The following AGBL1 variants were observed in gnomAD, a reference collection of about 807,000 sequenced individuals.
AGBL1 encodes the protein cytosolic carboxypeptidase 4.
Under a neutral mutation model 118.9 loss-of-function variants are expected in AGBL1, and 130 were observed. The observed-to-expected ratio is 1.09, with a 90% confidence interval of 0.95 to 1.26. The LOEUF (loss-of-function observed/expected upper bound fraction) is 1.26. AGBL1 is among the 50% of genes most tolerant of loss of function. The pLI is 0.00. For synonymous variants in AGBL1, 555 were observed against 478.9 expected, an observed-to-expected ratio of 1.16 and a Z score of -2.08; for missense variants, 1,584 against 1,298.1, an observed-to-expected ratio of 1.22 and a Z score of -3.38.
chr15:86,346,570 C>T (rs571344030), intron 17 of AGBL1, among the ~76,000 whole-genome samples: 7 of 150,770 alleles, frequency 4.6e-5, no homozygotes, highest in Non-Finnish European at 1.5e-5. Flanking sequence ...AGGATGGTCT[C>T]GATCTCCTGA....
rs59067780 is a variant in AGBL1, at chr15:86,931,566, T to TTGCTGCTGCTGCTGCTGCTGC, written c.3222-56391_3222-56371dup. ...AGCAACAAAATGAATAGTGGTGCTT[T>TTGCTGCTGCTGCTGCTGCTGC]TGCTGCTGCTGCTGCTGCTGCTGCT... On this transcript the variant is annotated intron_variant, in intron 23 of 24. Coordinates refer to the AGBL1 transcript ENST00000441037. 4.4e-3 allele frequency among the ~76,000 whole-genome samples: 662 copies of TTGCTGCTGCTGCTGCTGCTGC among 150,520 alleles called. 5 individuals carry two copies. Among genetic ancestry groups the TTGCTGCTGCTGCTGCTGCTGC allele is most frequent in the East Asian group, 0.015 (76 of 5,058 alleles).
At chr15:86,973,634 C>T (rs1468012655) in intron 23 of AGBL1, among the ~76,000 whole-genome samples, 1 of 151,848 alleles carries the variant, frequency 6.6e-6, no homozygotes, top group Non-Finnish European at 1.5e-5. Context: ...ATTACACAGA[C>T]ATAGCCATAG....
At chr15:86,733,669 AAT>A (rs2077557076) in intron 22 of AGBL1, among the ~76,000 whole-genome samples, 1 of 152,178 alleles carries the variant, frequency 6.6e-6, no homozygotes, top group Non-Finnish European at 1.5e-5. Context: ...TCATGGTACT[AAT>A]CATTCTATAT....
chr15:86,310,193 G>C (rs1211698773), intron 17 of AGBL1, among the ~76,000 whole-genome samples: 1 of 152,050 alleles, frequency 6.6e-6, no homozygotes, highest in Non-Finnish European at 1.5e-5. Flanking sequence ...TCATTTCTTT[G>C]GGTTGTCTAA....
At chr15:86,630,997 G>A (rs1387881341) in intron 21 of AGBL1, 1 of 153,482 alleles carries the variant, frequency 6.5e-6, no homozygotes, top group Non-Finnish European at 1.4e-5. Context: ...ACAGGACAGA[G>A]GTTTTATAGC....
chr15:86,718,103 G>T (rs900720466), intron 22 of AGBL1, among the ~76,000 whole-genome samples: 2 of 152,048 alleles, frequency 1.3e-5, no homozygotes, highest in African/African-American at 2.4e-5. Flanking sequence ...AATTATTATA[G>T]AAACAGGAGA....
At chr15:86,200,656 A>G (rs1488083724) in intron 5 of AGBL1, among the ~76,000 whole-genome samples, 2 of 140,010 alleles carry the variant, frequency 1.4e-5, no homozygotes, top group African/African-American at 2.7e-5. Flanking sequence ...CGCTCTTGTC[A>G]CCCAGGCTGG....
chr15:86,763,714 T>C (rs1369879115), intron 22 of AGBL1, among the ~76,000 whole-genome samples: 1 of 151,920 alleles, frequency 6.6e-6, no homozygotes, highest in African/African-American at 2.4e-5. Context: ...GCCCTGGCAC[T>C]GTTGCTGATG....
chr15:86,987,993 A>G, exon 24 of AGBL1: 1 of 1,613,544 alleles, frequency 6.2e-7, no homozygotes, highest in South Asian at 1.1e-5. Flanking sequence ...ACAGATTAAA[A>G]TCATCCAATT....
chr15:86,973,146 T>A (rs2081128866), intron 23 of AGBL1, among the ~76,000 whole-genome samples: 1 of 152,036 alleles, frequency 6.6e-6, no homozygotes, highest in Admixed American at 6.6e-5. Context: ...TGGTATGAAA[T>A]GATGAATAGA....
chr15:86,895,206 T>G (rs1308342638), intron 22 of AGBL1, among the ~76,000 whole-genome samples: 1 of 152,066 alleles, frequency 6.6e-6, no homozygotes, highest in East Asian at 1.9e-4. Context: ...CTTACTTTTT[T>G]GTTTTTAGAT....
intron 24 of AGBL1, among the ~76,000 whole-genome samples, chr15:87,008,615 T>G (rs771285338): frequency 6.6e-6 from 1 of 152,148 alleles, no homozygotes; most frequent in Non-Finnish European, 1.5e-5. Flanking sequence ...AGGCAGGGGT[T>G]GGAACAGTTT....
chr15:86,479,946 G>T (rs1282953902), intron 18 of AGBL1, among the ~76,000 whole-genome samples: 1 of 152,140 alleles, frequency 6.6e-6, no homozygotes, highest in African/African-American at 2.4e-5. Context: ...GGACATGGAT[G>T]AAGCTGGAAA....
At chr15:86,567,776 A>T (rs1567062034) in intron 21 of AGBL1, among the ~76,000 whole-genome samples, 1 of 152,096 alleles carries the variant, frequency 6.6e-6, no homozygotes, top group African/African-American at 2.4e-5. Flanking sequence ...GAAATTGCAA[A>T]TGTTTAAATT....
At chr15:86,379,286 C>A (rs915629550) in intron 17 of AGBL1, among the ~76,000 whole-genome samples, 1 of 152,046 alleles carries the variant, frequency 6.6e-6, no homozygotes, top group African/African-American at 2.4e-5. Flanking sequence ...AAGGATACTG[C>A]CTTACCCACA....
At chr15:86,257,901 C>T in intron 8 of AGBL1, 63 bp from the exon 9 acceptor site, 1 of 1,541,198 alleles carries the variant, frequency 6.5e-7, no homozygotes, top group Non-Finnish European at 8.9e-7. Context: ...TGGTGAAAAT[C>T]TAAATCCTAA....
At chr15:86,147,898 G>A (rs551155807) in intron 3 of AGBL1, among the ~76,000 whole-genome samples, 1 of 152,300 alleles carries the variant, frequency 6.6e-6, no homozygotes, top group East Asian at 1.9e-4. Context: ...CCTCTGGAAT[G>A]AAGCTTCCAG....
chr15:86,685,756 C>G (rs929328820), intron 22 of AGBL1, among the ~76,000 whole-genome samples: 1 of 152,040 alleles, frequency 6.6e-6, no homozygotes, highest in African/African-American at 2.4e-5. Context: ...ATCAGTGATT[C>G]AAATGTTGGT....
At chr15:86,760,975 G>A (rs548776412) in intron 22 of AGBL1, among the ~76,000 whole-genome samples, 2 of 152,076 alleles carry the variant, frequency 1.3e-5, no homozygotes, top group African/African-American at 2.4e-5. Context: ...ATCCAATAGC[G>A]ATGTGTAGAC....
Sources: gnomAD v4.1 joint callset for allele counts (sites outside exome capture counted in the v4.1 genomes callset) on GRCh38, gnomAD v4.1.1 for gene constraint, MANE v1.5 for transcripts, NCBI Gene and HGNC (gene_info 2026-07-23, HGNC 2026-07-21) for gene names.